The following SETBP1 variants were observed in gnomAD, a reference collection of about 807,000 sequenced individuals.
SETBP1 encodes the protein SET-binding protein.
A neutral mutation model predicts 101.0 loss-of-function variants in SETBP1; 9 were observed. The ratio of observed to expected loss-of-function variants is 0.09; its 90% CI spans 0.05 to 0.16. The LOEUF (loss-of-function observed/expected upper bound fraction) is 0.16, where lower values mean the gene tolerates loss of function less well. SETBP1 is among the 10% of genes least tolerant of loss of function. The pLI, the probability that SETBP1 is intolerant of heterozygous loss-of-function variation, is 1.00. For missense variants in SETBP1, 1,858 were observed against 2,033.8 expected (o/e 0.91, Z 1.66); for synonymous variants, 818 against 788.5 (o/e 1.04, Z -0.63).
chr18:44,708,483 A>G (rs971342070), intron 2 of SETBP1, among the ~76,000 whole-genome samples: 6 of 152,172 alleles, frequency 3.9e-5, no homozygotes, highest in African/African-American at 7.2e-5. Flanking sequence ...CTATGTATTC[A>G]TTAGAATGCC....
chr18:44,889,797 G>A (rs374184897), intron 3 of SETBP1, among the ~76,000 whole-genome samples: 2 of 152,134 alleles, frequency 1.3e-5, no homozygotes, highest in South Asian at 4.1e-4. Flanking sequence ...ATGTGGGGAA[G>A]CCCCAGTGAA....
At chr18:44,726,654 C>G (rs1011251949) in intron 2 of SETBP1, among the ~76,000 whole-genome samples, 1 of 152,190 alleles carries the variant, frequency 6.6e-6, no homozygotes, top group African/African-American at 2.4e-5. Context: ...ATATTACTTT[C>G]AAATTTCATC....
intron 4 of SETBP1, among the ~76,000 whole-genome samples, chr18:45,010,707 G>T (rs953196551): frequency 6.6e-6 from 1 of 152,062 alleles, no homozygotes; most frequent in African/African-American, 2.4e-5. Flanking sequence ...TACTAATTGG[G>T]CATTTACCAT....
intron 5 of SETBP1, among the ~76,000 whole-genome samples, chr18:45,057,618 T>C (rs575488705): frequency 1.4e-4 from 21 of 152,166 alleles, no homozygotes; most frequent in Non-Finnish European, 2.4e-4. Context: ...AAGCACAAGA[T>C]ATTCCAGCTG....
rs542858088 is a variant in SETBP1, at chr18:44,819,954, C to CA, written c.487-49266dup. ...TAGGGCGAAGAAGGATCATTCTTTACAAAAAAAAAAGTTGCCTTGCTGTAC... is the reference window on the plus strand; with the variant it reads ...TAGGGCGAAGAAGGATCATTCTTTACAAAAAAAAAAAGTTGCCTTGCTGTAC... On this transcript the variant is annotated intron_variant, in intron 2 of 5. Coordinates refer to ENST00000649279, the MANE Select transcript of SETBP1 (RefSeq NM_015559.3). Among the ~76,000 whole-genome samples the CA allele has an allele frequency of 3.8e-3, 568 of 148,570 alleles. 5 individuals carry two copies. The highest frequency in any genetic ancestry group is 0.024 in the Middle Eastern group (7 of 286).
intron 5 of SETBP1, 54 bp from the exon 6 acceptor site, chr18:45,063,025 G>C: frequency 6.2e-7 from 1 of 1,610,622 alleles, no homozygotes; most frequent in Non-Finnish European, 8.5e-7. Context: ...AAGAGGCTGA[G>C]TTGAAGGCAC....
intron 4 of SETBP1, among the ~76,000 whole-genome samples, chr18:45,027,206 A>G (rs988444878): frequency 1.3e-5 from 2 of 152,208 alleles, no homozygotes; most frequent in Admixed American, 1.3e-4. Flanking sequence ...TCTAATGAAC[A>G]AAAATGTTAT....
In SETBP1 at chr18:44,743,978, G is replaced by A. The variant is rs181473242; in HGVS notation, c.486+42146G>A. Among the ~76,000 whole-genome samples the A allele has an allele frequency of 1.4e-4, 22 of 152,328 alleles. No individual in the cohort carries two copies. The East Asian group carries it at 4.1e-3, about 28-fold the overall frequency. On this transcript the variant is annotated intron_variant, in intron 2 of 5. Transcript: ENST00000649279. ...GAATGTCAAATTTAAGGCTACATTA[G>A]CTGGAGTTTCTGGAGAGATTCTGGC...
intron 3 of SETBP1, among the ~76,000 whole-genome samples, chr18:44,873,568 G>A (rs1480592561): frequency 3.3e-5 from 5 of 152,150 alleles, no homozygotes; most frequent in Non-Finnish European, 5.9e-5. Flanking sequence ...AAGTGAGGCA[G>A]TGGACTTATT....
intron 4 of SETBP1, among the ~76,000 whole-genome samples, chr18:44,984,239 T>G (rs979226341): frequency 6.6e-6 from 1 of 152,132 alleles, no homozygotes; most frequent in Non-Finnish European, 1.5e-5. Flanking sequence ...CTCAACTTTT[T>G]TAGTGCTAGG....
intron 2 of SETBP1, among the ~76,000 whole-genome samples, chr18:44,734,168 G>A (rs2069908444): frequency 6.6e-6 from 1 of 152,198 alleles, no homozygotes; most frequent in African/African-American, 2.4e-5. Context: ...TCTCAGATAG[G>A]CAGTATAAGA....
upstream of SETBP1, among the ~76,000 whole-genome samples, chr18:44,680,739 A>AC (rs1012551407): frequency 2.8e-5 from 4 of 141,642 alleles, no homozygotes; most frequent in South Asian, 2.3e-4. Context: ...AATCTGATCT[A>AC]CCCCCCCTCC....
intron 2 of SETBP1, among the ~76,000 whole-genome samples, chr18:44,715,087 C>T (rs781564868): frequency 6.6e-6 from 1 of 152,188 alleles, no homozygotes; most frequent in Non-Finnish European, 1.5e-5. Flanking sequence ...TCCTGGTTTC[C>T]AGCAGTGGAA....
chr18:45,006,489 G>A (rs1415229868), intron 4 of SETBP1, among the ~76,000 whole-genome samples: 1 of 152,136 alleles, frequency 6.6e-6, no homozygotes, highest in East Asian at 1.9e-4. Context: ...CTGCAGAATT[G>A]GTTCCTTTTT....
chr18:44,979,739 G>C (rs1002925826), intron 4 of SETBP1, among the ~76,000 whole-genome samples: 1 of 152,156 alleles, frequency 6.6e-6, no homozygotes, highest in Admixed American at 6.5e-5. Context: ...TCAGAGAAAC[G>C]AAATATGGTC....
intron 4 of SETBP1, among the ~76,000 whole-genome samples, chr18:45,011,185 G>A (rs1391033107): frequency 6.6e-6 from 1 of 152,160 alleles, no homozygotes; most frequent in African/African-American, 2.4e-5. Flanking sequence ...TACGTTGTTA[G>A]AATCATAGAC....
At chr18:45,061,807 T>C (rs149421669) in intron 5 of SETBP1, among the ~76,000 whole-genome samples, 1 of 152,316 alleles carries the variant, frequency 6.6e-6, no homozygotes, top group African/African-American at 2.4e-5. Flanking sequence ...ACAAAAGTAA[T>C]AATGGGAGGA....
At chr18:44,846,033 A>T (rs2072718506) in intron 2 of SETBP1, among the ~76,000 whole-genome samples, 1 of 152,146 alleles carries the variant, frequency 6.6e-6, no homozygotes, top group East Asian at 1.9e-4. Context: ...CTCAGCCTGG[A>T]AACTCAAGGC....
At chr18:44,704,060 C>T (rs1301756433) in intron 2 of SETBP1, among the ~76,000 whole-genome samples, 2 of 152,142 alleles carry the variant, frequency 1.3e-5, no homozygotes, top group Admixed American at 6.5e-5. Context: ...AACCCAAATT[C>T]GCTGCCCTAA....
Sources: gnomAD v4.1 joint callset for allele counts (sites outside exome capture counted in the v4.1 genomes callset) on GRCh38, gnomAD v4.1.1 for gene constraint, MANE v1.5 for transcripts, NCBI Gene and HGNC (gene_info 2026-07-23, HGNC 2026-07-21) for gene names.